ENTREP1: variants seen among roughly 807,000 people sequenced by gnomAD.
The protein encoded by ENTREP1 is Friedreich ataxia region gene X123.
the ENTREP1 span, among the ~76,000 whole-genome samples, chr9:69,368,823 GACAA>G: frequency 1.4e-3 from 210 of 152,088 alleles, 2 homozygotes; most frequent in African/African-American, 2.9e-3. Flanking sequence ...TTAAGAAACT[GACAA>G]ACAATTTTCT....
the ENTREP1 span, among the ~76,000 whole-genome samples, chr9:69,372,605 GC>G: frequency 6.6e-6 from 1 of 152,024 alleles, no homozygotes; most frequent in African/African-American, 2.4e-5. Flanking sequence ...ATTTAGGTTG[GC>G]CCCCACTCTT....
chr9:69,330,986 C>T, the ENTREP1 span, among the ~76,000 whole-genome samples: 1 of 151,968 alleles, frequency 6.6e-6, no homozygotes, highest in Admixed American at 6.6e-5. Context: ...TTTTGTAGGA[C>T]ATTATAGTTA....
the ENTREP1 span, among the ~76,000 whole-genome samples, chr9:69,340,334 G>T: frequency 6.6e-6 from 1 of 151,948 alleles, no homozygotes; most frequent in Non-Finnish European, 1.5e-5. Context: ...TTTACATTTG[G>T]GCTTCCTCTT....
the ENTREP1 span, chr9:69,371,692 A>G: frequency 1.1e-6 from 1 of 913,020 alleles, no homozygotes; most frequent in South Asian, 1.3e-5. Flanking sequence ...AACATTCAGC[A>G]TCAGGCAACT....
chr9:69,383,795 C>A, the ENTREP1 span: 1 of 1,613,406 alleles, frequency 6.2e-7, no homozygotes, highest in Non-Finnish European at 8.5e-7. Context: ...AGTACATTGA[C>A]TGCAAGTGGG....
the ENTREP1 span, among the ~76,000 whole-genome samples, chr9:69,344,601 A>G: frequency 8.5e-5 from 13 of 152,264 alleles, no homozygotes; most frequent in East Asian, 1.9e-4. Context: ...GCCTCTGGCA[A>G]TGAAGCTTCT....
At chr9:69,353,901 A>G in the ENTREP1 span, among the ~76,000 whole-genome samples, 1 of 152,104 alleles carries the variant, frequency 6.6e-6, no homozygotes, top group African/African-American at 2.4e-5. Flanking sequence ...AAAATTTCAA[A>G]TATACCCCGA....
the ENTREP1 span, among the ~76,000 whole-genome samples, chr9:69,367,843 ATAT>A: frequency 3.6e-5 from 5 of 138,630 alleles, no homozygotes; most frequent in African/African-American, 1.3e-4. Context: ...ATACACATAT[ATAT>A]ATAAATATAT....
the ENTREP1 span, among the ~76,000 whole-genome samples, chr9:69,348,496 T>G: frequency 6.6e-6 from 1 of 152,126 alleles, no homozygotes; most frequent in Admixed American, 6.5e-5. Context: ...ATTCAATGGA[T>G]TTTTAGCCTA....
the ENTREP1 span, among the ~76,000 whole-genome samples, chr9:69,326,865 T>TA: frequency 6.6e-6 from 1 of 151,994 alleles, no homozygotes; most frequent in African/African-American, 2.4e-5. Context: ...CAGCCGACCG[T>TA]AAATAACCTT....
chr9:69,345,321 A>G, the ENTREP1 span, among the ~76,000 whole-genome samples: 1 of 152,222 alleles, frequency 6.6e-6, no homozygotes, highest in East Asian at 1.9e-4. Context: ...GTTAGCAGGC[A>G]TCCTGCACAT....
the ENTREP1 span, among the ~76,000 whole-genome samples, chr9:69,344,202 C>G: frequency 6.6e-6 from 1 of 152,124 alleles, no homozygotes; most frequent in Admixed American, 6.6e-5. Context: ...AATTGGGGAA[C>G]ATCTTAAAAT....
chr9:69,340,719 A>ATGTGTGTG, the ENTREP1 span, among the ~76,000 whole-genome samples: 1 of 61,004 alleles, frequency 1.6e-5, no homozygotes, highest in South Asian at 4.8e-4. Context: ...GTGTGTGTGC[A>ATGTGTGTG]TGCATGTGTG....
the ENTREP1 span, chr9:69,324,594 C>T: frequency 5.1e-6 from 5 of 985,318 alleles, no homozygotes; most frequent in Admixed American, 6.1e-5. Flanking sequence ...CCCGCTCCTA[C>T]CGAGATGCCG....
At chr9:69,338,922 T>C in the ENTREP1 span, among the ~76,000 whole-genome samples, 1 of 152,208 alleles carries the variant, frequency 6.6e-6, no homozygotes, top group African/African-American at 2.4e-5. Flanking sequence ...ATAAAGAAGA[T>C]AAATTAATTT....
At chr9:69,354,278 A>G in the ENTREP1 span, among the ~76,000 whole-genome samples, 1 of 33,184 alleles carries the variant, frequency 3.0e-5, no homozygotes, top group Non-Finnish European at 5.8e-5. Context: ...TTTTTTTGAG[A>G]CAGAGTCTTG....
the ENTREP1 span, among the ~76,000 whole-genome samples, chr9:69,344,808 A>T: frequency 6.6e-6 from 1 of 152,160 alleles, no homozygotes; most frequent in African/African-American, 2.4e-5. Flanking sequence ...TTCCTGTGGC[A>T]TGACCTTGCT....
chr9:69,377,607 T>C, the ENTREP1 span: 2 of 1,613,828 alleles, frequency 1.2e-6, no homozygotes, highest in East Asian at 2.2e-5. Context: ...TGCTGTTTAA[T>C]CAGGATGAAT....
chr9:69,326,582 C>T, the ENTREP1 span, among the ~76,000 whole-genome samples: 1 of 152,178 alleles, frequency 6.6e-6, no homozygotes, highest in South Asian at 2.1e-4. Flanking sequence ...GCCACTCCCC[C>T]CTGCCTCCTA....
Sources: allele counts gnomAD v4.1 joint callset (sites outside exome capture counted in the v4.1 genomes callset), GRCh38; gene constraint gnomAD v4.1.1; transcripts MANE v1.5; gene names NCBI Gene and HGNC (gene_info 2026-07-23, HGNC 2026-07-21).